The following NEGR1 variants were observed in gnomAD, a reference collection of about 807,000 sequenced individuals.
NEGR1 encodes neuronal growth regulator 1, also known as IgLON family member 4.
In NEGR1, 10 loss-of-function variants were observed where a neutral mutation model predicts 40.9. That is an observed-to-expected ratio of 0.24 (90% CI 0.15 to 0.42). NEGR1 has a LOEUF of 0.42. Ranked by LOEUF, NEGR1 falls within the 10% of genes least tolerant of loss-of-function variation. The pLI, the probability that NEGR1 is intolerant of heterozygous loss-of-function variation, is 1.00. For missense variants in NEGR1, 352 were observed against 438.9 expected (o/e 0.80, Z 1.77); for synonymous variants, 185 against 166.8 (o/e 1.11, Z -0.84).
At position 72,161,402 on chromosome 1, in the gene NEGR1, T is replaced by C. The variant is rs537757925; in HGVS notation, c.176+120917A>G. Reference sequence around the variant, plus strand: ...AAATCTCCATGGTGTATTTCAACCATGGAGATTTTGCCCCCCAGGGGGCAT... The same window carrying C: ...AAATCTCCATGGTGTATTTCAACCACGGAGATTTTGCCCCCCAGGGGGCAT... On this transcript the variant is annotated intron_variant, in intron 1 of 6. Coordinates refer to ENST00000357731, the MANE Select transcript of NEGR1 (RefSeq NM_173808.3). Among the ~76,000 whole-genome samples, 10 of 152,078 alleles carry C rather than the reference T, an allele frequency of 6.6e-5. No individual in the cohort carries two copies. In the East Asian group the frequency reaches 9.8e-4, roughly 15 times the overall value.
At chr1:72,062,118 T>C (rs1390623464) in intron 1 of NEGR1, among the ~76,000 whole-genome samples, 3 of 151,950 alleles carry the variant, frequency 2.0e-5, no homozygotes, top group African/African-American at 7.2e-5. Flanking sequence ...ATGGGCTTTA[T>C]GTTCCTGAAT....
At chr1:72,063,153 C>A (rs2100497104) in intron 1 of NEGR1, among the ~76,000 whole-genome samples, 1 of 151,970 alleles carries the variant, frequency 6.6e-6, no homozygotes, top group Non-Finnish European at 1.5e-5. Flanking sequence ...TTTATAAGAT[C>A]AATTTATATA....
At chr1:71,429,918 A>C (rs1335990037) in intron 6 of NEGR1, among the ~76,000 whole-genome samples, 1 of 152,180 alleles carries the variant, frequency 6.6e-6, no homozygotes, top group Non-Finnish European at 1.5e-5. Flanking sequence ...GAGGAGGATA[A>C]TTTACACTTA....
intron 1 of NEGR1, among the ~76,000 whole-genome samples, chr1:72,263,778 A>G (rs1655547172): frequency 6.6e-6 from 1 of 151,518 alleles, no homozygotes; most frequent in Non-Finnish European, 1.5e-5. Context: ...CTTATGTCCC[A>G]AATTAAGTGA....
intron 1 of NEGR1, among the ~76,000 whole-genome samples, chr1:72,195,031 A>G (rs1652952899): frequency 6.6e-6 from 1 of 152,044 alleles, no homozygotes; most frequent in Non-Finnish European, 1.5e-5. Context: ...GTTTGTTGGC[A>G]TCTTTCTGTC....
chr1:71,821,168 T>C (rs1482869627), intron 2 of NEGR1, among the ~76,000 whole-genome samples: 2 of 152,014 alleles, frequency 1.3e-5, no homozygotes, highest in African/African-American at 2.4e-5. Flanking sequence ...TTCTGCCCTC[T>C]GCTATAATAT....
At chr1:71,646,466 A>AT (rs1397246479) in intron 4 of NEGR1, among the ~76,000 whole-genome samples, 1 of 151,748 alleles carries the variant, frequency 6.6e-6, no homozygotes, top group Non-Finnish European at 1.5e-5. Flanking sequence ...TTAATTGATT[A>AT]TTTTTTCCTG....
intron 1 of NEGR1, among the ~76,000 whole-genome samples, chr1:72,088,829 G>C (rs938577518): frequency 2.5e-5 from 3 of 117,750 alleles, no homozygotes; most frequent in African/African-American, 1.0e-4. Context: ...TTTTTGAGAC[G>C]GAATGGACTC....
intron 2 of NEGR1, among the ~76,000 whole-genome samples, chr1:71,897,174 TAC>T (rs1491006224): frequency 2.0e-5 from 3 of 151,940 alleles, no homozygotes; most frequent in Middle Eastern, 3.2e-3. Flanking sequence ...TATATATATA[TAC>T]TATAACTCGA....
chr1:72,008,245 T>C (rs1407734161), intron 1 of NEGR1, among the ~76,000 whole-genome samples: 2 of 152,124 alleles, frequency 1.3e-5, no homozygotes, highest in African/African-American at 2.4e-5. Context: ...AGTTAATAAG[T>C]AGATTAATCA....
In NEGR1 at chr1:71,928,097, C is replaced by A. The variant is rs1375030742; in HGVS notation, c.409+6982G>T. On this transcript the variant is annotated intron_variant, in intron 2 of 6. Coordinates refer to ENST00000357731, the MANE Select transcript of NEGR1 (RefSeq NM_173808.3). ...ATGTACATATATGTATATATACACA[C>A]ATATGTATATATACACATATGTATA... Among the ~76,000 whole-genome samples, 2 of 121,538 alleles carry A rather than the reference C, an allele frequency of 1.6e-5. 1 individual carries two copies. The highest frequency in any genetic ancestry group is 4.3e-4 in the East Asian group (2 of 4,646). The allele number at this position is 121,538 out of a possible 152,430, so 79.7% of individuals were successfully genotyped here. A position where few individuals can be genotyped will look rare whatever the true frequency, so the allele number is the denominator to read the frequency against.
intron 6 of NEGR1, among the ~76,000 whole-genome samples, chr1:71,414,798 G>A (rs528476798): frequency 6.6e-6 from 1 of 152,256 alleles, no homozygotes; most frequent in Non-Finnish European, 1.5e-5. Context: ...CCAATGTAGA[G>A]ATTTTCTGTC....
chr1:72,246,559 A>G (rs1300808473), intron 1 of NEGR1, among the ~76,000 whole-genome samples: 1 of 152,242 alleles, frequency 6.6e-6, no homozygotes, highest in Non-Finnish European at 1.5e-5. Flanking sequence ...TATGTTGATC[A>G]TCTTTCACTT....
intron 2 of NEGR1, among the ~76,000 whole-genome samples, chr1:71,860,007 G>C (rs1329645337): frequency 2.0e-5 from 3 of 151,952 alleles, no homozygotes; most frequent in Middle Eastern, 6.3e-3. Context: ...AAGAAGAGCT[G>C]CCAACAGTCT....
chr1:71,944,582 G>T (rs1050823807), intron 1 of NEGR1, among the ~76,000 whole-genome samples: 1 of 118,396 alleles, frequency 8.4e-6, no homozygotes, highest in Admixed American at 8.8e-5. Context: ...ACATAACACG[G>T]ATGGATATAC....
At chr1:71,662,187 C>T (rs1458256523) in intron 4 of NEGR1, among the ~76,000 whole-genome samples, 1 of 152,180 alleles carries the variant, frequency 6.6e-6, no homozygotes, top group Non-Finnish European at 1.5e-5. Flanking sequence ...TTTGATCACT[C>T]TAAGCCTCAG....
At chr1:71,802,134 T>A (rs1240901120) in intron 2 of NEGR1, among the ~76,000 whole-genome samples, 1 of 152,170 alleles carries the variant, frequency 6.6e-6, no homozygotes, top group Non-Finnish European at 1.5e-5. Context: ...AGCTAAGTGT[T>A]GAAGGTGCAG....
rs1646247196 is a variant in NEGR1, at chr1:71,401,625, C to T, written c.*5821G>A. On this transcript the variant is annotated 3_prime_UTR_variant, in exon 7 of 7. Coordinates refer to ENST00000357731, the MANE Select transcript of NEGR1 (RefSeq NM_173808.3). Reference sequence around the variant, plus strand: ...GTTAGTATTTCAATATAAATGGCCTCAAACAACATCACTCAGATTAAAATC... The same window carrying T: ...GTTAGTATTTCAATATAAATGGCCTTAAACAACATCACTCAGATTAAAATC... The T allele has an allele frequency of 6.6e-6, 1 of 152,162 alleles. No homozygotes were observed. The highest frequency in any genetic ancestry group is 1.5e-5 in the Non-Finnish European group (1 of 68,038). The allele number at this position is 152,162 out of a possible 1,614,324, so 9.4% of individuals were successfully genotyped here.
chr1:72,275,306 T>G (rs1184636820), intron 1 of NEGR1: 1 of 432,634 alleles, frequency 2.3e-6, no homozygotes, highest in Non-Finnish European at 4.1e-6. Flanking sequence ...AAACTCAATT[T>G]GATAATGATT....
Sources: gnomAD v4.1 joint callset for allele counts (sites outside exome capture counted in the v4.1 genomes callset) on GRCh38, gnomAD v4.1.1 for gene constraint, MANE v1.5 for transcripts, NCBI Gene and HGNC (gene_info 2026-07-23, HGNC 2026-07-21) for gene names.